KIF20B: variants seen among roughly 807,000 people sequenced by gnomAD.
The protein encoded by KIF20B is kinesin-like protein KIF20B.
KIF20B carries 188 observed loss-of-function variants against 232.5 expected under a neutral mutation model. The observed-to-expected ratio is 0.81, with a 90% CI of 0.72 to 0.91. The LOEUF (loss-of-function observed/expected upper bound fraction) is 0.91, where lower values mean the gene tolerates loss of function less well. Ranked by LOEUF, KIF20B falls within the 40% of genes least tolerant of loss-of-function variation. The pLI is 0.00. For missense variants in KIF20B, 2,154 were observed against 2,055.9 expected (o/e 1.05, Z -0.92); for synonymous variants, 712 against 683.0 (o/e 1.04, Z -0.66).
chr10:89,757,040 G>A (rs368179723), intron 26 of KIF20B, among the ~76,000 whole-genome samples: 1,895 of 110,492 alleles, frequency 0.017, 68 homozygotes, highest in African/African-American at 0.059. Context: ...GTGTGTGTGT[G>A]TATATATATA....
rs956772865 is a variant in KIF20B, at chr10:89,764,652, A to G, written c.4989+1817A>G. On this transcript the variant is annotated intron_variant, in intron 29 of 32. Transcript: ENST00000371728. ...TGCATTTCTCTGATGGCCAGTGATG[A>G]TGAGCATTTTTTCATGTGTTTTTTG... is the stretch of plus-strand genomic sequence containing the variant. Among the ~76,000 whole-genome samples the G allele has an allele frequency of 1.0e-3, 158 of 152,008 alleles. 1 individual carries two copies. The highest frequency in any genetic ancestry group is 8.3e-4 in the South Asian group (4 of 4,798).
intron 31 of KIF20B, among the ~76,000 whole-genome samples, chr10:89,771,949 T>C (rs778803807): frequency 6.6e-6 from 1 of 152,128 alleles, no homozygotes; most frequent in African/African-American, 2.4e-5. Flanking sequence ...TTGTCTTAAC[T>C]GGCTTCTCCG....
intron 31 of KIF20B, among the ~76,000 whole-genome samples, chr10:89,769,542 G>A (rs1842427596): frequency 6.6e-6 from 1 of 151,688 alleles, no homozygotes; most frequent in South Asian, 2.1e-4. Context: ...AACATTATCT[G>A]TTTATGTACA....
In KIF20B at chr10:89,738,096, T is replaced by G; in HGVS notation, c.3255T>G (p.Ile1085Met). The change falls in exon 20 of 33, where the codon ATT becomes ATG. Residue 1085 changes from isoleucine (I) to methionine (M), a missense_variant. Transcript: ENST00000371728. The stretch of plus-strand genomic sequence containing the variant: ...AGATTGAGGAACTGGAACAACAAAT[T>G]GAAAAATTGCAGGCAGAAGTAAAAG... The part of the protein sequence containing the change: ...SHQIEELEQQ[I>M]EKLQAEVKGY... 6.2e-7 allele frequency: 1 copy of G among 1,612,098 alleles called. No individual in the cohort carries two copies. Among genetic ancestry groups the G allele is most frequent in the South Asian group, 1.1e-5 (1 of 91,012 alleles).
intron 26 of KIF20B, among the ~76,000 whole-genome samples, chr10:89,755,005 A>G (rs1158865841): frequency 6.6e-6 from 1 of 152,216 alleles, no homozygotes; most frequent in Admixed American, 6.5e-5. Context: ...AGATTCTAAT[A>G]CTGTGTACAT....
At chr10:89,744,600 G>A (rs11185867) in intron 22 of KIF20B, among the ~76,000 whole-genome samples, 30,769 of 151,938 alleles carry the variant, frequency 0.2, 3,235 homozygotes, top group South Asian at 0.28. Context: ...AAAGAGTTGA[G>A]GTCTTACAGC....
At chr10:89,719,270 A>AG (rs1842998269) in intron 12 of KIF20B, 149 bp from the exon 13 acceptor site, 1 of 569,664 alleles carries the variant, frequency 1.8e-6, no homozygotes, top group Non-Finnish European at 2.9e-6. Flanking sequence ...ATGTTCTTTT[A>AG]GGGATGGTGA....
intron 18 of KIF20B, 67 bp downstream of exon 18, chr10:89,729,314 A>G (rs1464766764): frequency 7.5e-7 from 1 of 1,326,340 alleles, no homozygotes; most frequent in Non-Finnish European, 1.0e-6. Flanking sequence ...AAAGGAAATA[A>G]TTTAAAATAG....
intron 24 of KIF20B, 60 bp downstream of exon 24, chr10:89,751,531 T>A: frequency 6.7e-7 from 1 of 1,498,056 alleles, no homozygotes; most frequent in Non-Finnish European, 9.0e-7. Context: ...AAAAATTTCC[T>A]AGATTTCTTC....
chr10:89,745,393 C>T (rs1330478103), intron 22 of KIF20B, among the ~76,000 whole-genome samples: 1 of 152,054 alleles, frequency 6.6e-6, no homozygotes. Context: ...CGTGGTGGCA[C>T]ACGCCTATAA....
At chr10:89,762,885 G>T in intron 29 of KIF20B, 50 bp downstream of exon 29, 1 of 1,359,130 alleles carries the variant, frequency 7.4e-7, no homozygotes, top group Non-Finnish European at 1.0e-6. Context: ...TTATTATAAA[G>T]CTGTTATAGT....
chr10:89,747,771 G>T (rs1969902), intron 23 of KIF20B, among the ~76,000 whole-genome samples: 34,636 of 151,650 alleles, frequency 0.23, 4,249 homozygotes, highest in East Asian at 0.35. Flanking sequence ...AGCATTGGGA[G>T]ATATACCTAA....
At position 89,723,960 on chromosome 10, in the gene KIF20B, A is replaced by G. The variant is rs747532916; in HGVS notation, c.1723-4A>G. ...ATAAGAATTTTATCATTTACATGTA[A>G]TAGAAACTGTTGGACTTAATAGAAG... On this transcript the variant is annotated splice_region_variant and splice_polypyrimidine_tract_variant and intron_variant, in intron 13 of 32. Coordinates refer to ENST00000371728, the MANE Select transcript of KIF20B (RefSeq NM_001284259.2). The G allele has an allele frequency of 6.6e-7, 1 of 1,519,888 alleles. No individual in the cohort carries two copies. Among genetic ancestry groups the G allele is most frequent in the East Asian group, 2.3e-5 (1 of 43,262 alleles). 94.2% of individuals were successfully genotyped at this position (1,519,888 alleles called of 1,614,324 possible). A position where few individuals can be genotyped will look rare whatever the true frequency, so the allele number is the denominator to read the frequency against.
At position 89,751,567 on chromosome 10, in the gene KIF20B, A is replaced by G. The variant is rs1444818009; in HGVS notation, c.4222+96A>G. 6.2e-6 allele frequency: 7 copies of G among 1,125,636 alleles called. No homozygotes were observed. The Admixed American group carries it at 1.5e-4, about 25-fold the overall frequency. The allele number at this position is 1,125,636 out of a possible 1,614,324, so 69.7% of individuals were successfully genotyped here. A position where few individuals can be genotyped will look rare whatever the true frequency, so the allele number is the denominator to read the frequency against. ...CCTTGTTAAAGTAGTACGTATTTTC[A>G]GTGATTGATAATGGAAAAGTATTTG... is the stretch of plus-strand genomic sequence containing the variant. On this transcript the variant is annotated intron_variant, in intron 24 of 32. Transcript: ENST00000371728.
intron 29 of KIF20B, among the ~76,000 whole-genome samples, chr10:89,763,392 A>T (rs1422692661): frequency 6.6e-6 from 1 of 152,184 alleles, no homozygotes; most frequent in Non-Finnish European, 1.5e-5. Context: ...ATGATGGTGG[A>T]TTTTACTGGA....
At chr10:89,735,390 A>G (rs1024740692) in intron 19 of KIF20B, among the ~76,000 whole-genome samples, 13 of 152,148 alleles carry the variant, frequency 8.5e-5, no homozygotes, top group Non-Finnish European at 1.5e-5. Flanking sequence ...AGGAGCTTAA[A>G]ATCTAGTAGA....
chr10:89,768,629 T>C (rs1842409658), intron 30 of KIF20B, 109 bp from the exon 31 acceptor site: 1 of 1,076,668 alleles, frequency 9.3e-7, no homozygotes, highest in East Asian at 2.6e-5. Flanking sequence ...TAAAGTTTCC[T>C]ACCTGAGAAT....
chr10:89,731,749 G>C (rs1843325104), intron 18 of KIF20B, among the ~76,000 whole-genome samples: 1 of 152,122 alleles, frequency 6.6e-6, no homozygotes, highest in Non-Finnish European at 1.5e-5. Flanking sequence ...TGTGTCAGAG[G>C]TGTGATCTGC....
At position 89,713,302 on chromosome 10, in the gene KIF20B, A is replaced by G. The variant is rs28572428; in HGVS notation, c.676-745A>G. 2.8e-3 allele frequency among the ~76,000 whole-genome samples: 426 copies of G among 151,036 alleles called. 1 individual carries two copies. The highest frequency in any genetic ancestry group is 9.0e-3 in the African/African-American group (371 of 41,156). On this transcript the variant is annotated intron_variant, in intron 6 of 32. Transcript: ENST00000371728. ...CTTGAACCCGGGAGGTGGAGGTTAC[A>G]GTGAGCCGAGATTGCGCCACTACAT...
Sources: allele counts gnomAD v4.1 joint callset (sites outside exome capture counted in the v4.1 genomes callset), GRCh38; gene constraint gnomAD v4.1.1; transcripts MANE v1.5; gene names NCBI Gene and HGNC (gene_info 2026-07-23, HGNC 2026-07-21).